The following TRPC4 variants were observed in gnomAD, a reference collection of about 807,000 sequenced individuals.
The protein encoded by TRPC4 is transient receptor potential cation channel subfamily C member 4.
TRPC4 carries 49 observed loss-of-function variants against 99.4 expected under a neutral mutation model. The observed-to-expected ratio is 0.49, with a 90% CI of 0.39 to 0.63. The LOEUF (loss-of-function observed/expected upper bound fraction) is 0.63, where lower values mean the gene tolerates loss of function less well. Among genes scored for constraint, TRPC4 ranks in the 20% least tolerant of loss-of-function variants. The pLI, the probability that TRPC4 is intolerant of heterozygous loss-of-function variation, is 0.00. For missense variants in TRPC4, 898 were observed against 1,152.9 expected (o/e 0.78, Z 3.20); for synonymous variants, 454 against 425.9 (o/e 1.07, Z -0.81).
At chr13:37,676,250 A>T (rs1301598711) in intron 4 of TRPC4, among the ~76,000 whole-genome samples, 1 of 146,608 alleles carries the variant, frequency 6.8e-6, no homozygotes, top group Non-Finnish European at 1.5e-5. Flanking sequence ...TAAAGAAAAA[A>T]TACCGAAAGC....
chr13:37,656,980 A>G (rs1952259514), intron 6 of TRPC4, among the ~76,000 whole-genome samples: 1 of 152,178 alleles, frequency 6.6e-6, no homozygotes, highest in Admixed American at 6.5e-5. Flanking sequence ...ATGTTTTTTT[A>G]TAACTAAATG....
chr13:37,705,962 T>C (rs1196841344), intron 3 of TRPC4, among the ~76,000 whole-genome samples: 1 of 150,292 alleles, frequency 6.7e-6, no homozygotes, highest in African/African-American at 2.5e-5. Flanking sequence ...GAGTTCCTAT[T>C]GGTCTTTCAA....
At chr13:37,643,068 A>G (rs1277721338) in intron 8 of TRPC4, among the ~76,000 whole-genome samples, 2 of 152,028 alleles carry the variant, frequency 1.3e-5, no homozygotes, top group Non-Finnish European at 2.9e-5. Flanking sequence ...GGAGTTTTTC[A>G]TTTCTCTGTG....
rs142412931 is a variant in TRPC4, at chr13:37,699,303, T to C, written c.898-6968A>G. Among the ~76,000 whole-genome samples the C allele has an allele frequency of 8.2e-3, 1,249 of 152,256 alleles. 18 individuals carry two copies. Among genetic ancestry groups the C allele is most frequent in the African/African-American group, 0.029 (1,190 of 41,536 alleles). ...AGGTTTACACACACAAGGATATATG[T>C]ATATACACGTATGTGCATATACATA... On this transcript the variant is annotated intron_variant, in intron 3 of 10. Coordinates refer to ENST00000379705, the MANE Select transcript of TRPC4 (RefSeq NM_016179.4).
rs191066719 is a variant in TRPC4, at chr13:37,716,426, T to C, written c.898-24091A>G. On this transcript the variant is annotated intron_variant, in intron 3 of 10. Coordinates refer to ENST00000379705, the MANE Select transcript of TRPC4 (RefSeq NM_016179.4). ...ACTTCTATTTCATACCAACTGTTCA[T>C]TAGCAAAGGTTTCTTTACCATACAT... 2.2e-4 allele frequency among the ~76,000 whole-genome samples: 33 copies of C among 152,338 alleles called. No homozygotes were observed. The East Asian group carries it at 4.1e-3, about 19-fold the overall frequency.
intron 2 of TRPC4, among the ~76,000 whole-genome samples, chr13:37,754,751 A>C (rs957247057): frequency 6.6e-6 from 1 of 152,126 alleles, no homozygotes; most frequent in Non-Finnish European, 1.5e-5. Flanking sequence ...GTATCTCTTC[A>C]ATATTTTTCT....
chr13:37,864,529 C>A (rs1203658628), intron 1 of TRPC4, among the ~76,000 whole-genome samples: 1 of 151,368 alleles, frequency 6.6e-6, no homozygotes, highest in Non-Finnish European at 1.5e-5. Context: ...AAAGTTTAGC[C>A]AAGTACAATA....
chr13:37,642,672 T>TC (rs1269417132), intron 8 of TRPC4, among the ~76,000 whole-genome samples: 3 of 152,036 alleles, frequency 2.0e-5, no homozygotes, highest in African/African-American at 7.2e-5. Flanking sequence ...TTATTTACAC[T>TC]CTTGGTGCCA....
intron 1 of TRPC4, among the ~76,000 whole-genome samples, chr13:37,864,901 G>C (rs1439877001): frequency 6.6e-6 from 1 of 151,680 alleles, no homozygotes; most frequent in Non-Finnish European, 1.5e-5. Context: ...GCTTTGCCAG[G>C]AAATGCAACA....
chr13:37,740,834 G>A (rs1379224038), intron 3 of TRPC4, among the ~76,000 whole-genome samples: 1 of 152,146 alleles, frequency 6.6e-6, no homozygotes, highest in Non-Finnish European at 1.5e-5. Flanking sequence ...GATAGTGTCT[G>A]ATTGACATGA....
At chr13:37,723,810 C>T (rs1954949732) in intron 3 of TRPC4, among the ~76,000 whole-genome samples, 1 of 152,138 alleles carries the variant, frequency 6.6e-6, no homozygotes, top group Non-Finnish European at 1.5e-5. Context: ...CTGTCTCGGG[C>T]TCCCAAAGCA....
At chr13:37,766,325 G>A (rs556342128) in intron 2 of TRPC4, among the ~76,000 whole-genome samples, 26 of 151,518 alleles carry the variant, frequency 1.7e-4, no homozygotes, top group African/African-American at 6.3e-4. Context: ...GGAGCATGTG[G>A]ATGTATAGAG....
At chr13:37,657,721 C>T (rs1391399305) in intron 6 of TRPC4, among the ~76,000 whole-genome samples, 6 of 151,996 alleles carry the variant, frequency 3.9e-5, no homozygotes, top group Non-Finnish European at 8.8e-5. Context: ...TTGAATAGTA[C>T]ACATTTGCTC....
intron 5 of TRPC4, among the ~76,000 whole-genome samples, chr13:37,666,395 G>A (rs989100544): frequency 7.2e-5 from 11 of 152,104 alleles, no homozygotes; most frequent in Admixed American, 6.5e-5. Flanking sequence ...TAAATAATTT[G>A]TCTGTTCTCT....
intron 2 of TRPC4, among the ~76,000 whole-genome samples, chr13:37,759,579 A>T (rs919076245): frequency 6.6e-6 from 1 of 151,986 alleles, no homozygotes; most frequent in Non-Finnish European, 1.5e-5. Flanking sequence ...AGTTATAAGC[A>T]GATATTTTAC....
chr13:37,635,268 T>G lies in TRPC4; in HGVS notation c.*1635A>C, dbSNP rs1951483888. On this transcript the variant is annotated 3_prime_UTR_variant, in exon 11 of 11. Coordinates refer to ENST00000379705, the MANE Select transcript of TRPC4 (RefSeq NM_016179.4). The stretch of plus-strand genomic sequence containing the variant: ...CTGAAAGGCAGTTACAATGCAGTGG[T>G]GAAGGGAATGGCTCTGATGGACACA... 6.6e-6 allele frequency among the ~76,000 whole-genome samples: 1 copy of G among 152,110 alleles called. No homozygotes were observed. Among genetic ancestry groups the G allele is most frequent in the African/African-American group, 2.4e-5 (1 of 41,440 alleles).
chr13:37,835,062 T>A (rs571617871), intron 1 of TRPC4, among the ~76,000 whole-genome samples: 54 of 152,114 alleles, frequency 3.5e-4, no homozygotes, highest in African/African-American at 6.0e-4. Flanking sequence ...ATTTTTTTTT[T>A]AAATCCTGCA....
At chr13:37,865,517 C>T (rs1179575935) in intron 1 of TRPC4, among the ~76,000 whole-genome samples, 5 of 151,586 alleles carry the variant, frequency 3.3e-5, no homozygotes, top group African/African-American at 1.2e-4. Context: ...TGAGATCATC[C>T]TGCTCAAGAT....
chr13:37,697,687 T>C (rs890519728), intron 3 of TRPC4, among the ~76,000 whole-genome samples: 3 of 152,162 alleles, frequency 2.0e-5, no homozygotes, highest in Non-Finnish European at 4.4e-5. Flanking sequence ...CCAGTAACAT[T>C]GAAATCAACA....
Sources: gnomAD v4.1 joint callset for allele counts (sites outside exome capture counted in the v4.1 genomes callset) on GRCh38, gnomAD v4.1.1 for gene constraint, MANE v1.5 for transcripts, NCBI Gene and HGNC (gene_info 2026-07-23, HGNC 2026-07-21) for gene names.